The following KCNH5 variants were observed in gnomAD, a reference collection of about 807,000 sequenced individuals.
KCNH5 encodes potassium voltage-gated channel subfamily H member 5, also known as voltage-gated delayed rectifier potassium channel KCNH5.
KCNH5 carries 46 observed loss-of-function variants against 96.1 expected under a neutral mutation model. The ratio of observed to expected loss-of-function variants is 0.48; its 90% confidence interval spans 0.38 to 0.61. The LOEUF (loss-of-function observed/expected upper bound fraction) is 0.61. Ranked by LOEUF, KCNH5 falls within the 20% of genes least tolerant of loss-of-function variation. The pLI, the probability that KCNH5 is intolerant of heterozygous loss-of-function variation, is 0.00. For synonymous variants in KCNH5, 439 were observed against 449.8 expected (o/e 0.98, Z 0.30); for missense variants, 907 against 1,225.8 (o/e 0.74, Z 3.88).
At chr14:62,849,569 C>T (rs531319614) in intron 8 of KCNH5, 84 bp downstream of exon 8, 5 of 1,048,470 alleles carry the variant, frequency 4.8e-6, no homozygotes, top group South Asian at 4.0e-5. Flanking sequence ...AGCAATTATA[C>T]AAGCAATACG....
intron 7 of KCNH5, among the ~76,000 whole-genome samples, chr14:62,874,289 C>G (rs1007617584): frequency 2.0e-5 from 3 of 151,734 alleles, no homozygotes; most frequent in Non-Finnish European, 4.4e-5. Flanking sequence ...GAAAAAAAAA[C>G]CTCATCAAAA....
At chr14:62,976,566 GACCACCTAGTTAAC>G (rs1484848538) in intron 6 of KCNH5, among the ~76,000 whole-genome samples, 1 of 152,030 alleles carries the variant, frequency 6.6e-6, no homozygotes, top group African/African-American at 2.4e-5. Flanking sequence ...GGCTGAAAAG[GACCACCTAGTTAAC>G]ACCCATCAAA....
At chr14:62,978,235 T>C (rs1436866720) in intron 6 of KCNH5, among the ~76,000 whole-genome samples, 2 of 152,216 alleles carry the variant, frequency 1.3e-5, no homozygotes, top group Non-Finnish European at 2.9e-5. Context: ...AAGCTACCAC[T>C]GTGAGATCAC....
At chr14:62,717,190 T>C (rs1884704626) in intron 10 of KCNH5, among the ~76,000 whole-genome samples, 2 of 152,298 alleles carry the variant, frequency 1.3e-5, no homozygotes, top group South Asian at 4.1e-4. Flanking sequence ...GAAAACAATA[T>C]TGCTAACATG....
chr14:62,961,644 G>A (rs1255501), intron 6 of KCNH5, among the ~76,000 whole-genome samples: 32,167 of 152,152 alleles, frequency 0.21, 3,939 homozygotes, highest in Non-Finnish European at 0.28. Flanking sequence ...GCTCTCCAGA[G>A]AAACAGGACT....
At chr14:62,748,897 A>T (rs531153385) in intron 10 of KCNH5, among the ~76,000 whole-genome samples, 1 of 152,204 alleles carries the variant, frequency 6.6e-6, no homozygotes. Flanking sequence ...ATCATTCCCA[A>T]GTAAACTAAA....
chr14:62,985,272 T>C (rs538531698), intron 5 of KCNH5, among the ~76,000 whole-genome samples: 1 of 152,312 alleles, frequency 6.6e-6, no homozygotes, highest in African/African-American at 2.4e-5. Context: ...AGGATTCATC[T>C]TTCCCCAAGC....
intron 1 of KCNH5, among the ~76,000 whole-genome samples, chr14:63,020,191 A>G (rs1459540098): frequency 1.3e-5 from 2 of 152,144 alleles, no homozygotes; most frequent in Non-Finnish European, 2.9e-5. Context: ...AGAATCAAGA[A>G]CTAGTGCTCC....
intron 10 of KCNH5, among the ~76,000 whole-genome samples, chr14:62,725,842 T>G (rs1358558645): frequency 2.0e-5 from 3 of 152,210 alleles, no homozygotes; most frequent in Non-Finnish European, 4.4e-5. Flanking sequence ...AGGCCTACAA[T>G]AGCCAAAGCA....
chr14:62,778,590 C>T (rs1382254873), intron 10 of KCNH5, among the ~76,000 whole-genome samples: 1 of 152,226 alleles, frequency 6.6e-6, no homozygotes, highest in East Asian at 1.9e-4. Context: ...CCACATTCAT[C>T]ATTGCCTTCA....
At chr14:62,816,737 A>G (rs1231294715) in intron 8 of KCNH5, among the ~76,000 whole-genome samples, 4 of 152,044 alleles carry the variant, frequency 2.6e-5, no homozygotes. Context: ...TATAATTGAC[A>G]TATAGTAGAT....
chr14:62,876,634 T>G (rs1280527650), intron 7 of KCNH5, among the ~76,000 whole-genome samples: 2 of 152,198 alleles, frequency 1.3e-5, no homozygotes, highest in South Asian at 4.1e-4. Context: ...TAAATTTAAC[T>G]GAATATGTAT....
At chr14:62,941,482 A>T (rs1889789513) in intron 7 of KCNH5, among the ~76,000 whole-genome samples, 1 of 152,168 alleles carries the variant, frequency 6.6e-6, no homozygotes, top group African/African-American at 2.4e-5. Flanking sequence ...AAAGGTGCCT[A>T]TAACCCTGAA....
At chr14:62,803,309 G>T (rs900521559) in intron 8 of KCNH5, among the ~76,000 whole-genome samples, 62 of 152,138 alleles carry the variant, frequency 4.1e-4, no homozygotes, top group African/African-American at 1.4e-3. Flanking sequence ...ATTCCACATT[G>T]GAGGTGGATT....
intron 10 of KCNH5, among the ~76,000 whole-genome samples, chr14:62,764,589 C>T (rs1885820141): frequency 6.6e-6 from 1 of 152,024 alleles, no homozygotes. Context: ...CTATCTCTTC[C>T]TAGATTATAT....
At chr14:62,993,943 A>G (rs1360126860) in intron 4 of KCNH5, among the ~76,000 whole-genome samples, 1 of 152,074 alleles carries the variant, frequency 6.6e-6, no homozygotes. Flanking sequence ...TTATGAGAAT[A>G]TTTGTTCTCC....
intron 7 of KCNH5, among the ~76,000 whole-genome samples, chr14:62,879,408 C>G (rs757957154): frequency 3.3e-5 from 5 of 152,046 alleles, no homozygotes; most frequent in African/African-American, 2.4e-5. Context: ...CCAGCAATAA[C>G]CCCAGAGACT....
intron 3 of KCNH5, among the ~76,000 whole-genome samples, chr14:63,003,594 TTA>T (rs559861437): frequency 7.8e-6 from 1 of 127,688 alleles, no homozygotes; most frequent in African/African-American, 3.1e-5. Flanking sequence ...ATATATATAT[TTA>T]TATATTTATA....
At position 62,938,922 on chromosome 14, in the gene KCNH5, T is replaced by C. The variant is rs78387877; in HGVS notation, c.1369+11211A>G. On this transcript the variant is annotated intron_variant, in intron 7 of 10. Transcript: ENST00000322893. ...GTTATGCATCTAATAATCGAACAAG[T>C]ATATTTTGTTGAATTTGAAATTTGA... is the stretch of plus-strand genomic sequence containing the variant. Among the ~76,000 whole-genome samples, 1,124 of 152,332 alleles carry C rather than the reference T, an allele frequency of 7.4e-3. 11 individuals carry two copies. Among genetic ancestry groups the C allele is most frequent in the African/African-American group, 0.026 (1,066 of 41,572 alleles).
Sources: allele counts gnomAD v4.1 joint callset (sites outside exome capture counted in the v4.1 genomes callset), GRCh38; gene constraint gnomAD v4.1.1; transcripts MANE v1.5; gene names NCBI Gene and HGNC (gene_info 2026-07-23, HGNC 2026-07-21).